ADGRL2: variants seen among roughly 807,000 people sequenced by gnomAD.
ADGRL2 encodes calcium-independent alpha-latrotoxin receptor 2.
ADGRL2 carries 44 observed loss-of-function variants against 157.4 expected under a neutral mutation model. The observed-to-expected ratio is 0.28, with a 90% CI of 0.22 to 0.36. The LOEUF is 0.36. Among genes scored for constraint, ADGRL2 ranks in the 10% least tolerant of loss-of-function variants. ADGRL2 has a pLI of 1.00. For synonymous variants in ADGRL2, 585 were observed against 624.7 expected, an observed-to-expected ratio of 0.94 and a Z score of 0.95; for missense variants, 1,510 against 1,768.9, an observed-to-expected ratio of 0.85 and a Z score of 2.63.
chr1:81,788,211 A>G (rs1409687138), intron 2 of ADGRL2, among the ~76,000 whole-genome samples: 2 of 152,172 alleles, frequency 1.3e-5, no homozygotes, highest in African/African-American at 4.8e-5. Context: ...AGAAAGGGTG[A>G]TAGTTTGGAT....
intron 3 of ADGRL2, among the ~76,000 whole-genome samples, chr1:81,592,176 A>G (rs2081146383): frequency 6.6e-6 from 1 of 152,164 alleles, no homozygotes; most frequent in African/African-American, 2.4e-5. Context: ...ATCAGCTACT[A>G]CATCCTCTTC....
chr1:81,608,173 A>C (rs2081471619), intron 3 of ADGRL2, among the ~76,000 whole-genome samples: 2 of 152,024 alleles, frequency 1.3e-5, no homozygotes, highest in Non-Finnish European at 2.9e-5. Flanking sequence ...GCTCCTAGTT[A>C]TCTCTCAGTG....
intron 2 of ADGRL2, among the ~76,000 whole-genome samples, chr1:81,788,995 G>C (rs1405377306): frequency 2.6e-5 from 4 of 152,180 alleles, no homozygotes; most frequent in South Asian, 2.1e-4. Flanking sequence ...GGATTACAGG[G>C]GTGAGCCACT....
chr1:81,814,572 A>G (rs938072515), intron 1 of ADGRL2, among the ~76,000 whole-genome samples: 1 of 151,502 alleles, frequency 6.6e-6, no homozygotes, highest in Non-Finnish European at 1.5e-5. Flanking sequence ...ATGTTTTAAT[A>G]ACTGTATTGG....
chr1:81,684,846 A>G (rs2083196603), intron 3 of ADGRL2, among the ~76,000 whole-genome samples: 1 of 152,166 alleles, frequency 6.6e-6, no homozygotes, highest in Non-Finnish European at 1.5e-5. Context: ...ATTCTCCTAC[A>G]TGTGGCTAGC....
At chr1:81,860,779 G>A (rs1449758898) in intron 2 of ADGRL2, among the ~76,000 whole-genome samples, 5 of 152,082 alleles carry the variant, frequency 3.3e-5, no homozygotes, top group East Asian at 1.9e-4. Context: ...ACTTTCAGCC[G>A]TGAAATAAAG....
At chr1:81,420,127 C>T (rs1011431484) in intron 1 of ADGRL2, among the ~76,000 whole-genome samples, 18 of 152,094 alleles carry the variant, frequency 1.2e-4, no homozygotes, top group African/African-American at 4.8e-5. Context: ...TTTTCAATCC[C>T]TCATCAGTAA....
intron 1 of ADGRL2, among the ~76,000 whole-genome samples, chr1:81,726,133 C>T (rs2084521309): frequency 6.6e-6 from 1 of 152,196 alleles, no homozygotes; most frequent in Non-Finnish European, 1.5e-5. Flanking sequence ...ACAGTGTCCA[C>T]TCTCAGCAGG....
chr1:81,383,675 A>AG (rs1418570443), intron 1 of ADGRL2, among the ~76,000 whole-genome samples: 1,695 of 151,248 alleles, frequency 0.011, 34 homozygotes, highest in African/African-American at 0.039. Flanking sequence ...AAAAAAAAAA[A>AG]AAGAAGGCCG....
chr1:81,608,861 T>C (rs1164115253), intron 3 of ADGRL2, among the ~76,000 whole-genome samples: 1 of 152,096 alleles, frequency 6.6e-6, no homozygotes. Context: ...TTTATTCTCT[T>C]TTTGGAAATT....
intron 2 of ADGRL2, among the ~76,000 whole-genome samples, chr1:81,899,215 C>T (rs1402190362): frequency 6.6e-6 from 1 of 152,142 alleles, no homozygotes; most frequent in Non-Finnish European, 1.5e-5. Flanking sequence ...GCAAATGTTC[C>T]TCAACAAGCA....
chr1:81,727,633 A>G (rs1193942040), intron 1 of ADGRL2, among the ~76,000 whole-genome samples: 1 of 152,204 alleles, frequency 6.6e-6, no homozygotes, highest in East Asian at 1.9e-4. Context: ...GGGTTTCACC[A>G]GGTTGGCCAG....
chr1:81,974,883 G>C, intron 17 of ADGRL2, among the ~76,000 whole-genome samples: 1 of 151,918 alleles, frequency 6.6e-6, no homozygotes. Flanking sequence ...ATATTGGTGG[G>C]TTATTATAAA....
intron 1 of ADGRL2, among the ~76,000 whole-genome samples, chr1:81,733,323 G>A (rs1455829606): frequency 6.6e-6 from 1 of 152,222 alleles, no homozygotes; most frequent in Non-Finnish European, 1.5e-5. Flanking sequence ...TATAGACTGG[G>A]TGGCTTAAGC....
intron 23 of ADGRL2, among the ~76,000 whole-genome samples, chr1:81,989,061 C>CA (rs1553217534): frequency 1.3e-5 from 2 of 149,992 alleles, no homozygotes; most frequent in Non-Finnish European, 3.0e-5. Flanking sequence ...TTTCTCTTGA[C>CA]TTTTTTTTTC....
chr1:81,357,977 A>G (rs1663435124), intron 1 of ADGRL2, among the ~76,000 whole-genome samples: 1 of 152,246 alleles, frequency 6.6e-6, no homozygotes, highest in Non-Finnish European at 1.5e-5. Flanking sequence ...TTATAAGAAT[A>G]TGGGGGTAAT....
intron 1 of ADGRL2, among the ~76,000 whole-genome samples, chr1:81,353,582 T>C (rs1663069501): frequency 6.6e-6 from 1 of 152,064 alleles, no homozygotes; most frequent in Admixed American, 6.5e-5. Context: ...AAAGACAAAT[T>C]TGTAATGAAG....
At chr1:81,590,024 A>G (rs912305135) in intron 3 of ADGRL2, among the ~76,000 whole-genome samples, 3 of 152,140 alleles carry the variant, frequency 2.0e-5, no homozygotes, top group African/African-American at 7.2e-5. Context: ...AGCAACTCAT[A>G]TCTTATATCT....
intron 2 of ADGRL2, among the ~76,000 whole-genome samples, chr1:81,498,555 C>G (rs759103379): frequency 2.6e-5 from 4 of 152,186 alleles, no homozygotes; most frequent in Non-Finnish European, 5.9e-5. Flanking sequence ...AGAGCCGGAA[C>G]ATCTGAGTAT....
Sources: gnomAD v4.1 joint callset for allele counts (sites outside exome capture counted in the v4.1 genomes callset) on GRCh38, gnomAD v4.1.1 for gene constraint, MANE v1.5 for transcripts, NCBI Gene and HGNC (gene_info 2026-07-23, HGNC 2026-07-21) for gene names.